The following LTBP1 variants were observed in gnomAD, a reference collection of about 807,000 sequenced individuals.
LTBP1 encodes latent-transforming growth factor beta-binding protein 1.
In LTBP1, 129 loss-of-function variants were observed where a neutral mutation model predicts 207.6. The observed-to-expected ratio is 0.62, with a 90% CI of 0.54 to 0.72. The LOEUF is 0.72. Among genes scored for constraint, LTBP1 ranks in the 30% least tolerant of loss-of-function variants. LTBP1 has a pLI of 0.00. For synonymous variants in LTBP1, 963 were observed against 833.7 expected, an observed-to-expected ratio of 1.16 and a Z score of -2.67; for missense variants, 2,281 against 2,217.2, an observed-to-expected ratio of 1.03 and a Z score of -0.58.
chr2:33,163,105 C>G (rs2084603361), intron 5 of LTBP1, among the ~76,000 whole-genome samples: 2 of 152,186 alleles, frequency 1.3e-5, no homozygotes, highest in Non-Finnish European at 2.9e-5. Context: ...CGTCAGCCTC[C>G]CAGGTGGCTG....
chr2:33,000,999 G>T lies in LTBP1; in HGVS notation c.566-19910G>T, dbSNP rs1344476467. The stretch of plus-strand genomic sequence containing the variant: ...ATTGATAAGGGCCTCTTTAAAGTTG[G>T]CAGTGTTCTCCTTTTGAGCCACAGT... On this transcript the variant is annotated intron_variant, in intron 2 of 33. Coordinates refer to ENST00000404816, the MANE Select transcript of LTBP1 (RefSeq NM_206943.4). 6.0e-5 allele frequency among the ~76,000 whole-genome samples: 8 copies of T among 134,202 alleles called. 1 individual carries two copies. Among genetic ancestry groups the T allele is most frequent in the African/African-American group, 1.8e-4 (7 of 38,552 alleles). 88.0% of individuals were successfully genotyped at this position (134,202 alleles called of 152,430 possible).
intron 2 of LTBP1, among the ~76,000 whole-genome samples, chr2:32,977,045 G>T (rs981210859): frequency 2.6e-5 from 4 of 152,186 alleles, no homozygotes; most frequent in Non-Finnish European, 5.9e-5. Context: ...GGAGATGCCT[G>T]CCCTGCTGTC....
At chr2:33,177,380 T>G (rs188455417) in intron 5 of LTBP1, among the ~76,000 whole-genome samples, 1 of 152,350 alleles carries the variant, frequency 6.6e-6, no homozygotes, top group East Asian at 1.9e-4. Flanking sequence ...CTGAGCGTGG[T>G]GGCTCACACC....
intron 10 of LTBP1, among the ~76,000 whole-genome samples, chr2:33,250,218 T>TA (rs2092643253): frequency 6.6e-6 from 1 of 152,190 alleles, no homozygotes; most frequent in Non-Finnish European, 1.5e-5. Context: ...GGGGCAGTTT[T>TA]AAATGGCACA....
intron 3 of LTBP1, among the ~76,000 whole-genome samples, chr2:33,101,595 C>A (rs1207369141): frequency 6.6e-6 from 1 of 152,178 alleles, no homozygotes; most frequent in East Asian, 1.9e-4. Flanking sequence ...TCTTAGAATT[C>A]AGTTAAAAAG....
chr2:33,177,617 G>A (rs1337286663), intron 5 of LTBP1, among the ~76,000 whole-genome samples: 2 of 151,172 alleles, frequency 1.3e-5, no homozygotes, highest in South Asian at 2.1e-4. Context: ...GCGGTGAGCC[G>A]AGATCACACC....
chr2:33,340,968 C>G (rs74904330), intron 24 of LTBP1, among the ~76,000 whole-genome samples: 1 of 152,176 alleles, frequency 6.6e-6, no homozygotes, highest in Non-Finnish European at 1.5e-5. Flanking sequence ...TAAATTCTGT[C>G]AAGTGAAATT....
chr2:33,247,125 GC>G (rs998541260), intron 10 of LTBP1, among the ~76,000 whole-genome samples: 2 of 152,204 alleles, frequency 1.3e-5, no homozygotes, highest in Admixed American at 6.5e-5. Flanking sequence ...CTGGGCTTTT[GC>G]CTTTTCGTAG....
intron 3 of LTBP1, among the ~76,000 whole-genome samples, chr2:33,076,032 T>C (rs946071758): frequency 1.3e-4 from 20 of 152,216 alleles, no homozygotes; most frequent in Non-Finnish European, 2.4e-4. Context: ...GAAGTTATTA[T>C]TGCCCATGTG....
At chr2:33,122,343 GTC>G (rs1476429191) in intron 4 of LTBP1, among the ~76,000 whole-genome samples, 1 of 152,190 alleles carries the variant, frequency 6.6e-6, no homozygotes, top group East Asian at 1.9e-4. Flanking sequence ...TCAATCATTA[GTC>G]TTAGAACAGA....
At chr2:33,366,498 C>A (rs752754607) in intron 31 of LTBP1, among the ~76,000 whole-genome samples, 4 of 152,058 alleles carry the variant, frequency 2.6e-5, no homozygotes, top group Non-Finnish European at 4.4e-5. Flanking sequence ...TTGGGAATTC[C>A]CGTAAGAAGA....
intron 2 of LTBP1, among the ~76,000 whole-genome samples, chr2:32,954,916 G>A (rs1358611387): frequency 1.3e-5 from 2 of 152,116 alleles, no homozygotes; most frequent in Admixed American, 6.5e-5. Context: ...ATGAGGAATT[G>A]GCCACAGGTA....
intron 4 of LTBP1, 82 bp downstream of exon 4, chr2:33,110,833 T>G: frequency 2.4e-6 from 3 of 1,237,602 alleles, no homozygotes; most frequent in Non-Finnish European, 3.3e-6. Context: ...ACGGCTTTAA[T>G]GTGTCACAGT....
At chr2:33,116,864 A>G (rs764791351) in intron 4 of LTBP1, among the ~76,000 whole-genome samples, 3 of 152,050 alleles carry the variant, frequency 2.0e-5, no homozygotes, top group African/African-American at 4.8e-5. Context: ...TTTTGTTTAA[A>G]TAAGCAACCG....
At chr2:32,970,405 A>G (rs546843258) in intron 2 of LTBP1, among the ~76,000 whole-genome samples, 4 of 152,094 alleles carry the variant, frequency 2.6e-5, no homozygotes, top group Non-Finnish European at 5.9e-5. Flanking sequence ...ATGTTTAAGT[A>G]TTTAGTCCAT....
intron 1 of LTBP1, 116 bp downstream of exon 1, chr2:32,947,934 G>T: frequency 2.2e-6 from 2 of 926,438 alleles, no homozygotes; most frequent in Non-Finnish European, 2.8e-6. Context: ...CGCGCGCGGT[G>T]GGTCGGCTTT....
intron 3 of LTBP1, among the ~76,000 whole-genome samples, chr2:33,076,945 T>G (rs192491560): frequency 1.3e-5 from 2 of 152,302 alleles, no homozygotes; most frequent in African/African-American, 4.8e-5. Flanking sequence ...GAATTTTATT[T>G]TTATTTCTCA....
chr2:33,011,916 C>T (rs1292791883), intron 2 of LTBP1, among the ~76,000 whole-genome samples: 11 of 152,032 alleles, frequency 7.2e-5, no homozygotes, highest in Admixed American at 6.5e-4. Context: ...TGGCCTGGTC[C>T]GTGTGTTATT....
At chr2:33,056,426 G>T in intron 3 of LTBP1, 2 of 1,028,852 alleles carry the variant, frequency 1.9e-6, no homozygotes, top group Admixed American at 2.7e-5. Context: ...TGGTGACTTT[G>T]CCCAGCAGCT....
Sources: gnomAD v4.1 joint callset for allele counts (sites outside exome capture counted in the v4.1 genomes callset) on GRCh38, gnomAD v4.1.1 for gene constraint, MANE v1.5 for transcripts, NCBI Gene and HGNC (gene_info 2026-07-23, HGNC 2026-07-21) for gene names.